Variants in PTPRD observed in about 807,000 individuals in gnomAD.
The protein encoded by PTPRD is receptor-type tyrosine-protein phosphatase delta.
Under a neutral mutation model 214.5 loss-of-function variants are expected in PTPRD, and 34 were observed. The ratio of observed to expected loss-of-function variants is 0.16; its 90% CI spans 0.12 to 0.21. The LOEUF is 0.21. Among genes scored for constraint, PTPRD ranks in the 10% least tolerant of loss-of-function variants. The probability of loss-of-function intolerance (pLI) is 1.00; values close to 1 mark genes in which losing one functional copy is unlikely to be tolerated. For synonymous variants in PTPRD, 1,128 were observed against 845.7 expected (o/e 1.33, Z -5.79); for missense variants, 2,545 against 2,398.7 (o/e 1.06, Z -1.27).
At chr9:9,394,254 C>T (rs1463073096) in intron 9 of PTPRD, among the ~76,000 whole-genome samples, 3 of 151,324 alleles carry the variant, frequency 2.0e-5, no homozygotes, top group South Asian at 2.1e-4. Context: ...AATGCTGAGA[C>T]CTTTTAAAAA....
chr9:9,043,924 TAAAATAAAATAAAATAAAA>T (rs2099657309), intron 10 of PTPRD, among the ~76,000 whole-genome samples: 1 of 87,602 alleles, frequency 1.1e-5, no homozygotes, highest in Non-Finnish European at 2.5e-5. Context: ...TAAAATAAAA[TAAAATAAAATAAAATAAAA>T]TAAAATAAAA....
intron 2 of PTPRD, among the ~76,000 whole-genome samples, chr9:10,479,542 G>T (rs1238288413): frequency 6.6e-6 from 1 of 151,760 alleles, no homozygotes; most frequent in Non-Finnish European, 1.5e-5. Flanking sequence ...ATGTTGAAAG[G>T]ATTCCAGTAA....
rs749802631 is a variant in PTPRD at position 8,359,107 on chromosome 9, C to CAAAAAAA, written c.4661+16822_4661+16828dup. ...TGGGCCACAGAGCGAGACTCCGTCTCAAAAAAAAAAAAAAACAAAAAAAAA... is the reference window on the plus strand; with the variant it reads ...TGGGCCACAGAGCGAGACTCCGTCTCAAAAAAAAAAAAAAAAAAAAAACAAAAAAAAA... On this transcript the variant is annotated intron_variant, in intron 39 of 45. Transcript: ENST00000381196. Among the ~76,000 whole-genome samples, 5 of 9,846 alleles carry CAAAAAAA rather than the reference C, an allele frequency of 5.1e-4. 1 individual carries two copies. The highest frequency in any genetic ancestry group is 2.6e-3 in the African/African-American group (5 of 1,954). The allele number at this position is 9,846 out of a possible 152,430, so 6.5% of individuals were successfully genotyped here.
intron 2 of PTPRD, among the ~76,000 whole-genome samples, chr9:10,481,509 C>G (rs927417304): frequency 6.6e-6 from 1 of 152,086 alleles, no homozygotes; most frequent in Non-Finnish European, 1.5e-5. Context: ...GGAAGACTCA[C>G]AGATGTATTT....
At chr9:9,733,568 T>C (rs191750161) in intron 7 of PTPRD, among the ~76,000 whole-genome samples, 2 of 152,264 alleles carry the variant, frequency 1.3e-5, no homozygotes, top group African/African-American at 4.8e-5. Flanking sequence ...AGGAAGATAA[T>C]GAACAACAGC....
intron 36 of PTPRD, among the ~76,000 whole-genome samples, chr9:8,403,049 T>C (rs1460398024): frequency 6.6e-6 from 1 of 152,202 alleles, no homozygotes; most frequent in Non-Finnish European, 1.5e-5. Flanking sequence ...GTTCAAATGC[T>C]GAAAGATAGT....
chr9:10,313,126 T>C (rs968252422), intron 3 of PTPRD, among the ~76,000 whole-genome samples: 12 of 151,812 alleles, frequency 7.9e-5, no homozygotes, highest in Non-Finnish European at 1.3e-4. Context: ...GAAGACCAGA[T>C]TGGAACAGAA....
chr9:9,412,416 T>A (rs1462159117), intron 8 of PTPRD, among the ~76,000 whole-genome samples: 2 of 152,146 alleles, frequency 1.3e-5, no homozygotes, highest in Non-Finnish European at 2.9e-5. Context: ...GCCACTGTGG[T>A]TGCCTTCCCA....
chr9:8,381,156 C>G (rs2084950583), intron 37 of PTPRD, among the ~76,000 whole-genome samples: 1 of 152,116 alleles, frequency 6.6e-6, no homozygotes, highest in Admixed American at 6.6e-5. Flanking sequence ...AGTGGTTGTT[C>G]AAGCATTAGT....
intron 4 of PTPRD, among the ~76,000 whole-genome samples, chr9:10,016,128 T>G (rs982731638): frequency 4.6e-5 from 7 of 152,320 alleles, no homozygotes; most frequent in African/African-American, 1.7e-4. Context: ...AGGTCTAATG[T>G]GATCTCCCTA....
chr9:9,598,022 A>G (rs2093484500), intron 7 of PTPRD, among the ~76,000 whole-genome samples: 2 of 152,112 alleles, frequency 1.3e-5, no homozygotes, highest in Middle Eastern at 3.4e-3. Flanking sequence ...TTTTTCCTGC[A>G]AACTGTCCTG....
At chr9:9,227,329 C>A (rs752617250) in intron 9 of PTPRD, among the ~76,000 whole-genome samples, 24 of 151,960 alleles carry the variant, frequency 1.6e-4, no homozygotes, top group Non-Finnish European at 2.9e-4. Context: ...GGGAGAAGAC[C>A]GAGATTCTTT....
chr9:9,919,555 C>T (rs1381968353), intron 5 of PTPRD, among the ~76,000 whole-genome samples: 5 of 152,122 alleles, frequency 3.3e-5, no homozygotes, highest in African/African-American at 1.2e-4. Flanking sequence ...TCTAAAGGCC[C>T]AATGATTCAT....
rs573107917 is a variant in PTPRD, at chr9:9,804,652, A to G, written c.-367-37801T>C. ...AATTTTAAATTATTTGTGGGGAGAAAGCATATTATGAAACTCATGAACATA... is the reference window on the plus strand; with the variant it reads ...AATTTTAAATTATTTGTGGGGAGAAGGCATATTATGAAACTCATGAACATA... On this transcript the variant is annotated intron_variant, in intron 5 of 45. Transcript: ENST00000381196. Among the ~76,000 whole-genome samples the G allele has an allele frequency of 1.1e-3, 166 of 152,158 alleles. 1 individual carries two copies. The highest frequency in any genetic ancestry group is 8.4e-4 in the Non-Finnish European group (57 of 67,978).
intron 2 of PTPRD, among the ~76,000 whole-genome samples, chr9:10,503,518 G>T (rs932383049): frequency 1.3e-5 from 2 of 151,826 alleles, no homozygotes; most frequent in African/African-American, 2.4e-5. Flanking sequence ...AGAAGAGAGG[G>T]GCAGGATATA....
intron 7 of PTPRD, among the ~76,000 whole-genome samples, chr9:9,665,749 A>T (rs1247625034): frequency 6.6e-6 from 1 of 151,878 alleles, no homozygotes; most frequent in African/African-American, 2.4e-5. Context: ...GTAAAAGTGA[A>T]GTCTTCAAAA....
intron 3 of PTPRD, among the ~76,000 whole-genome samples, chr9:10,127,580 G>C (rs2098829151): frequency 6.6e-6 from 1 of 152,054 alleles, no homozygotes; most frequent in African/African-American, 2.4e-5. Context: ...GAATGGAATG[G>C]AAATTTAATA....
chr9:9,915,103 A>G (rs566015881), intron 5 of PTPRD, among the ~76,000 whole-genome samples: 5 of 152,304 alleles, frequency 3.3e-5, no homozygotes, highest in Non-Finnish European at 7.3e-5. Context: ...GCTACTGAGC[A>G]ACTTGCAAAT....
At chr9:9,916,523 C>CTA (rs374409149) in intron 5 of PTPRD, among the ~76,000 whole-genome samples, 2 of 151,016 alleles carry the variant, frequency 1.3e-5, no homozygotes, top group East Asian at 1.9e-4. Context: ...AATCCTCTCT[C>CTA]TATATATATA....
Sources: gnomAD v4.1 joint callset for allele counts (sites outside exome capture counted in the v4.1 genomes callset) on GRCh38, gnomAD v4.1.1 for gene constraint, MANE v1.5 for transcripts, NCBI Gene and HGNC (gene_info 2026-07-23, HGNC 2026-07-21) for gene names.